CYP2J2: variants seen among roughly 807,000 people sequenced by gnomAD.
CYP2J2 encodes cytochrome P450 family 2 subfamily J member 2, also known as cytochrome P450 2J2.
In CYP2J2, 41 loss-of-function variants were observed where a neutral mutation model predicts 48.8. That is an observed-to-expected ratio of 0.84 (90% CI 0.66 to 1.09). CYP2J2 has a LOEUF of 1.09. Ranked by LOEUF, CYP2J2 falls within the 50% of genes least tolerant of loss-of-function variation. The pLI is 0.00. For synonymous variants in CYP2J2, 221 were observed against 227.1 expected, an observed-to-expected ratio of 0.97 and a Z score of 0.24; for missense variants, 644 against 617.3, an observed-to-expected ratio of 1.04 and a Z score of -0.46.
chr1:59,901,882 A>T (rs1334345796), intron 7 of CYP2J2, among the ~76,000 whole-genome samples: 1 of 152,050 alleles, frequency 6.6e-6, no homozygotes, highest in Non-Finnish European at 1.5e-5. Flanking sequence ...AGCTTCTAGC[A>T]TGATTTAGTC....
the CYP2J2 span, among the ~76,000 whole-genome samples, chr1:59,960,382 G>T: frequency 5.9e-5 from 9 of 152,158 alleles, no homozygotes; most frequent in Non-Finnish European, 7.3e-5. Flanking sequence ...GTTGGGAGAT[G>T]CTGCAGGAAA....
At chr1:59,921,405 G>C (rs1001820011) in intron 1 of CYP2J2, among the ~76,000 whole-genome samples, 4 of 152,236 alleles carry the variant, frequency 2.6e-5, no homozygotes, top group Non-Finnish European at 5.9e-5. Context: ...CCCCTGTAGA[G>C]AGCCTATAAA....
the CYP2J2 span, among the ~76,000 whole-genome samples, chr1:59,947,756 C>T: frequency 3.9e-5 from 6 of 152,268 alleles, no homozygotes; most frequent in South Asian, 1.2e-3. Flanking sequence ...GCTTAACTTC[C>T]CATCCTTGGC....
chr1:59,904,888 C>G lies in CYP2J2; in HGVS notation c.1174G>C (p.Gly392Arg), dbSNP rs1335525707. 6.2e-7 allele frequency: 1 copy of G among 1,613,564 alleles called. No homozygotes were observed. Among genetic ancestry groups the G allele is most frequent in the Non-Finnish European group, 8.5e-7 (1 of 1,179,822 alleles). ...REVTVDTTLA[G>R]YHLPKGTMIL... Reference sequence around the variant, plus strand: ...TTAATTACCTTGGGCAGGTGGTACCCAGCCAAAGTGGTATCAACTGTCACT... The same window carrying G: ...TTAATTACCTTGGGCAGGTGGTACCGAGCCAAAGTGGTATCAACTGTCACT... Residue 392 changes from glycine to arginine, a missense_variant, in exon 7 of 9, where the codon GGG becomes CGG. Physicochemically the swap from Gly to Arg is moderately radical, Grantham distance 125. Transcript: ENST00000371204.
chr1:59,920,084 A>T (rs951957220), intron 1 of CYP2J2, among the ~76,000 whole-genome samples: 1 of 151,986 alleles, frequency 6.6e-6, no homozygotes, highest in African/African-American at 2.4e-5. Flanking sequence ...AGAAGAGATG[A>T]TTTTCCACCA....
In CYP2J2 at chr1:59,926,637, C is replaced by T. The variant is rs1259053452; in HGVS notation, c.110G>A (p.Arg37Lys). ...AFLLAADFLK[R>K]RRPKNYPPGP... ...CGGCGGGTAGTTCTTTGGGCGCCGT[C>T]TTTTGAGAAAGTCAGCAGCGAGCAG... The change falls in exon 1 of 9, where the codon AGA becomes AAA. Residue 37 changes from arginine (R) to lysine (K), a missense_variant. Physicochemically the swap from Arg to Lys is conservative, Grantham distance 26 (BLOSUM62 2). Coordinates refer to ENST00000371204, the MANE Select transcript of CYP2J2 (RefSeq NM_000775.4). The T allele has an allele frequency of 1.2e-6, 2 of 1,614,132 alleles. No homozygotes were observed. The highest frequency in any genetic ancestry group is 2.7e-5 in the African/African-American group (2 of 74,944).
At chr1:59,937,540 G>A in the CYP2J2 span, among the ~76,000 whole-genome samples, 1 of 152,120 alleles carries the variant, frequency 6.6e-6, no homozygotes, top group Non-Finnish European at 1.5e-5. Flanking sequence ...TCTTCTTTGG[G>A]TTAAATCTGC....
the CYP2J2 span, among the ~76,000 whole-genome samples, chr1:59,933,342 T>A: frequency 6.6e-6 from 1 of 151,990 alleles, no homozygotes; most frequent in African/African-American, 2.4e-5. Flanking sequence ...ACAAGAGCAA[T>A]GAGTAGAAAA....
the CYP2J2 span, among the ~76,000 whole-genome samples, chr1:59,963,980 TATC>T: frequency 0.072 from 11,024 of 152,170 alleles, 1,013 homozygotes; most frequent in African/African-American, 0.22. Flanking sequence ...GACCATAGTT[TATC>T]ATGTTTCAAT....
chr1:59,944,248 G>C, the CYP2J2 span, among the ~76,000 whole-genome samples: 1 of 152,010 alleles, frequency 6.6e-6, no homozygotes, highest in African/African-American at 2.4e-5. Context: ...TTTGAGACAG[G>C]GTCTCACTTT....
At chr1:59,934,199 T>C in the CYP2J2 span, among the ~76,000 whole-genome samples, 1 of 152,124 alleles carries the variant, frequency 6.6e-6, no homozygotes, top group South Asian at 2.1e-4. Flanking sequence ...AGAATGAAAT[T>C]GAACCCTTAT....
chr1:59,937,371 T>C, the CYP2J2 span, among the ~76,000 whole-genome samples: 1 of 152,084 alleles, frequency 6.6e-6, no homozygotes, highest in African/African-American at 2.4e-5. Context: ...CTGGCAAATG[T>C]AGTTTCTAGC....
At chr1:59,912,559 G>T in intron 2 of CYP2J2, 1 of 384,914 alleles carries the variant, frequency 2.6e-6, no homozygotes, top group Non-Finnish European at 4.7e-6. Flanking sequence ...AACTCTCTGG[G>T]ATAGGTACAA....
At chr1:59,947,030 A>C in the CYP2J2 span, among the ~76,000 whole-genome samples, 1 of 152,132 alleles carries the variant, frequency 6.6e-6, no homozygotes, top group Admixed American at 6.5e-5. Context: ...AGTGAAGGAT[A>C]GCCCCAAACT....
chr1:59,936,161 C>T, the CYP2J2 span, among the ~76,000 whole-genome samples: 1 of 152,174 alleles, frequency 6.6e-6, no homozygotes, highest in Non-Finnish European at 1.5e-5. Flanking sequence ...GTAACTATTT[C>T]ACTAAATTCT....
chr1:59,916,044 A>G lies in CYP2J2; in HGVS notation c.267T>C (p.Val89=). 1 of 1,613,930 alleles carries G rather than the reference A, an allele frequency of 6.2e-7. No individual in the cohort carries two copies. ...FSLELGDISA[V]LITGLPLIKE... ...TGATTAAGGGCAAGCCAGTAATAAGAACTGCAGATATGTCACCAAGCTCCA... is the reference window on the plus strand; with the variant it reads ...TGATTAAGGGCAAGCCAGTAATAAGGACTGCAGATATGTCACCAAGCTCCA... The change falls in exon 2 of 9, where the codon GTT becomes GTC. Residue 89 remains valine (V), a synonymous_variant. Transcript: ENST00000371204.
At chr1:59,917,294 G>T (rs943464928) in intron 1 of CYP2J2, among the ~76,000 whole-genome samples, 9 of 152,170 alleles carry the variant, frequency 5.9e-5, no homozygotes, top group Admixed American at 2.0e-4. Context: ...GCATTCTTAT[G>T]GTGGCAAAGG....
intron 8 of CYP2J2, among the ~76,000 whole-genome samples, chr1:59,896,449 T>C (rs10889160): frequency 0.22 from 33,871 of 151,950 alleles, 4,744 homozygotes; most frequent in African/African-American, 0.4. Flanking sequence ...CAATCCAACA[T>C]CACAAAGTTC....
At chr1:59,951,957 C>G in the CYP2J2 span, among the ~76,000 whole-genome samples, 1 of 152,178 alleles carries the variant, frequency 6.6e-6, no homozygotes, top group Non-Finnish European at 1.5e-5. Context: ...ATGGCTTTGA[C>G]CACTCTACTA....
Sources: gnomAD v4.1 joint callset for allele counts (sites outside exome capture counted in the v4.1 genomes callset) on GRCh38, gnomAD v4.1.1 for gene constraint, MANE v1.5 for transcripts, NCBI Gene and HGNC (gene_info 2026-07-23, HGNC 2026-07-21) for gene names.